The following TMEM245 variants were observed in gnomAD, a reference collection of about 807,000 sequenced individuals.
TMEM245 encodes the protein protein CG-2.
In TMEM245, 69 loss-of-function variants were observed where a neutral mutation model predicts 101.2. The observed-to-expected ratio is 0.68, with a 90% CI of 0.56 to 0.83. The LOEUF (loss-of-function observed/expected upper bound fraction) is 0.83, where lower values mean the gene tolerates loss of function less well. Ranked by LOEUF, TMEM245 falls within the 40% of genes least tolerant of loss-of-function variation. The pLI is 0.00. For synonymous variants in TMEM245, 537 were observed against 449.8 expected, an observed-to-expected ratio of 1.19 and a Z score of -2.45; for missense variants, 1,075 against 1,092.8, an observed-to-expected ratio of 0.98 and a Z score of 0.23.
intron 3 of TMEM245, among the ~76,000 whole-genome samples, chr9:109,102,279 T>C (rs796142693): frequency 5.3e-5 from 8 of 152,296 alleles, no homozygotes; most frequent in African/African-American, 1.7e-4. Flanking sequence ...AAATCTTCCC[T>C]ATTTTCCACT....
intron 14 of TMEM245, among the ~76,000 whole-genome samples, chr9:109,041,207 C>T (rs1828291949): frequency 1.3e-5 from 2 of 152,182 alleles, no homozygotes; most frequent in Middle Eastern, 3.4e-3. Context: ...AGTAACTGAC[C>T]TAGTGCACAG....
At position 109,098,020 on chromosome 9, in the gene TMEM245, A is replaced by G. The variant is rs1219539659; in HGVS notation, c.800-4429T>C. Among the ~76,000 whole-genome samples, 5 of 152,248 alleles carry G rather than the reference A, an allele frequency of 3.3e-5. No homozygotes were observed. In the East Asian group the frequency reaches 7.7e-4, roughly 23 times the overall value. Reference sequence around the variant, plus strand: ...TCAATATCAATCTGTTGGCTTCGACAGTATAAACTAGAAGCAGAAGCCACT... The same window carrying G: ...TCAATATCAATCTGTTGGCTTCGACGGTATAAACTAGAAGCAGAAGCCACT... On this transcript the variant is annotated intron_variant, in intron 3 of 17. Coordinates refer to ENST00000374586, the MANE Select transcript of TMEM245 (RefSeq NM_032012.4).
At chr9:109,084,415 CT>C (rs1178187546) in intron 7 of TMEM245, among the ~76,000 whole-genome samples, 1 of 152,134 alleles carries the variant, frequency 6.6e-6, no homozygotes, top group Non-Finnish European at 1.5e-5. Flanking sequence ...TCTTAGAGAT[CT>C]TTTAAAATTA....
intron 1 of TMEM245, among the ~76,000 whole-genome samples, chr9:109,110,796 A>G (rs1481721569): frequency 2.0e-5 from 3 of 152,200 alleles, no homozygotes; most frequent in African/African-American, 7.2e-5. Flanking sequence ...TAATCCAAAC[A>G]AGATTAAACT....
At chr9:109,098,175 T>C (rs573789581) in intron 3 of TMEM245, among the ~76,000 whole-genome samples, 1 of 152,122 alleles carries the variant, frequency 6.6e-6, no homozygotes, top group Non-Finnish European at 1.5e-5. Flanking sequence ...ATCTGTAGAG[T>C]AGGCACTGAA....
chr9:109,100,412 C>T (rs1281589087), intron 3 of TMEM245, among the ~76,000 whole-genome samples: 4 of 152,140 alleles, frequency 2.6e-5, no homozygotes, highest in Non-Finnish European at 4.4e-5. Flanking sequence ...CAGCCTTGAC[C>T]TCCTGGGCTC....
In TMEM245 at chr9:109,091,068, A is replaced by G; in HGVS notation, c.1004T>C (p.Leu335Pro). The G allele has an allele frequency of 6.2e-7, 1 of 1,614,122 alleles. No individual in the cohort carries two copies. The highest frequency in any genetic ancestry group is 1.7e-5 in the Admixed American group (1 of 60,000). Reference sequence around the variant, plus strand: ...TCCTATTTCAGGCCTTCGTCTGCCCAGAGTAGGTGAAGGGGAAGTGGGTGA... The same window carrying G: ...TCCTATTTCAGGCCTTCGTCTGCCCGGAGTAGGTGAAGGGGAAGTGGGTGA... ...SPSPTSPSPT[L>P]GRRRPEIGTF... is the part of the protein sequence containing the mutation. The change falls in exon 5 of 18, where the codon CTG (leucine) becomes CCG (proline). Residue 335 changes from leucine to proline, a missense_variant. Transcript: ENST00000374586.
At chr9:109,023,836 CAAA>C (rs139227712) in intron 17 of TMEM245, among the ~76,000 whole-genome samples, 7 of 82,776 alleles carry the variant, frequency 8.5e-5, no homozygotes, top group Admixed American at 1.4e-4. Context: ...ACTCTGTTTC[CAAA>C]AAAAAAAAAA....
chr9:109,022,779 T>G (rs1237321685), intron 17 of TMEM245, among the ~76,000 whole-genome samples: 1 of 152,208 alleles, frequency 6.6e-6, no homozygotes, highest in East Asian at 1.9e-4. Context: ...CACTTAATTC[T>G]GAAAAGCCCT....
At chr9:109,045,544 A>G (rs900597941) in intron 14 of TMEM245, among the ~76,000 whole-genome samples, 10 of 152,260 alleles carry the variant, frequency 6.6e-5, no homozygotes, top group Admixed American at 6.5e-5. Flanking sequence ...GACAATGCCT[A>G]GTGATTGTGG....
chr9:109,057,261 C>T lies in TMEM245; in HGVS notation c.1784G>A (p.Trp595Ter). The T allele has an allele frequency of 3.7e-6, 6 of 1,614,114 alleles. No individual in the cohort carries two copies. The highest frequency in any genetic ancestry group is 5.1e-6 in the Non-Finnish European group (6 of 1,179,958). ...QKLHVSRQNS[W>*]LGDILDWQDI... ...CTGCCAGTCCAGAATGTCTCCCAGC[C>T]AGCTATTCTGACGACTGACATGCAA... Residue 595 changes from tryptophan to a stop codon, truncating the protein, a stop_gained, in exon 12 of 18, where the codon TGG (tryptophan) becomes TAG (stop). Transcript: ENST00000374586. LOFTEE classifies it high-confidence loss of function.
At chr9:109,065,653 T>C (rs998720931) in intron 9 of TMEM245, among the ~76,000 whole-genome samples, 5 of 152,186 alleles carry the variant, frequency 3.3e-5, no homozygotes, top group Admixed American at 6.5e-5. Context: ...AAGAATCCTT[T>C]ACACAATCCT....
At chr9:109,102,238 T>TA (rs1247251680) in intron 3 of TMEM245, among the ~76,000 whole-genome samples, 1 of 152,186 alleles carries the variant, frequency 6.6e-6, no homozygotes, top group Non-Finnish European at 1.5e-5. Context: ...AAAGAAAACT[T>TA]AGACACCAAA....
intron 3 of TMEM245, among the ~76,000 whole-genome samples, chr9:109,096,040 C>A (rs1830130977): frequency 6.6e-6 from 1 of 152,168 alleles, no homozygotes. Context: ...TCAAAGCGGA[C>A]CACACTTGAT....
chr9:109,091,355 T>C (rs773480449), intron 4 of TMEM245, among the ~76,000 whole-genome samples, 200 bp from the exon 5 acceptor site: 9 of 152,194 alleles, frequency 5.9e-5, no homozygotes, highest in South Asian at 2.1e-4. Flanking sequence ...ACAATGCCAA[T>C]AGAGCTTTAA....
At chr9:109,112,969 G>A (rs1333844213) in intron 1 of TMEM245, among the ~76,000 whole-genome samples, 5 of 152,044 alleles carry the variant, frequency 3.3e-5, no homozygotes, top group South Asian at 2.1e-4. Flanking sequence ...CCAGCCACTC[G>A]GGAGGCTGAG....
rs145846697 is a variant in TMEM245 at position 109,103,978 on chromosome 9, G to A, written c.799+2530C>T. 6.4e-4 allele frequency among the ~76,000 whole-genome samples: 97 copies of A among 152,034 alleles called. 1 individual carries two copies. The East Asian group carries it at 0.016, about 25-fold the overall frequency. On this transcript the variant is annotated intron_variant, in intron 3 of 17. Coordinates refer to ENST00000374586, the MANE Select transcript of TMEM245 (RefSeq NM_032012.4). ...CGGGTGCCTGGAATCCCAGCTACTC[G>A]GGAGGCTGGGGCAGAAGAATCACTT...
chr9:109,065,573 T>C (rs959443657), intron 9 of TMEM245, among the ~76,000 whole-genome samples: 4 of 152,196 alleles, frequency 2.6e-5, no homozygotes, highest in African/African-American at 4.8e-5. Context: ...ACAGCTTTAC[T>C]TGTTGTGCAG....
intron 8 of TMEM245, among the ~76,000 whole-genome samples, chr9:109,079,782 A>T (rs1253353475): frequency 6.6e-6 from 1 of 151,180 alleles, no homozygotes; most frequent in Non-Finnish European, 1.5e-5. Context: ...GGAGAAAGGA[A>T]AAAAAAAGAC....
Sources: gnomAD v4.1 joint callset for allele counts (sites outside exome capture counted in the v4.1 genomes callset) on GRCh38, gnomAD v4.1.1 for gene constraint, MANE v1.5 for transcripts, NCBI Gene and HGNC (gene_info 2026-07-23, HGNC 2026-07-21) for gene names.